LOC112694756: variants seen among roughly 807,000 people sequenced by gnomAD.
chr16:30,065,089 G>A, the LOC112694756 span, among the ~76,000 whole-genome samples: 2 of 152,242 alleles, frequency 1.3e-5, no homozygotes, highest in Non-Finnish European at 2.9e-5. Context: ...CCGGCGGAGA[G>A]CGCGCACGCA....
At chr16:30,060,358 TACTG>T in the LOC112694756 span, among the ~76,000 whole-genome samples, 1 of 152,088 alleles carries the variant, frequency 6.6e-6, no homozygotes. Flanking sequence ...ACCCAGGCCT[TACTG>T]ACTCTAGGGC....
At chr16:30,061,228 C>T in the LOC112694756 span, among the ~76,000 whole-genome samples, 1 of 152,268 alleles carries the variant, frequency 6.6e-6, no homozygotes, top group Non-Finnish European at 1.5e-5. Context: ...ACACGCTGCT[C>T]CTATTCCCCA....
chr16:30,058,867 G>C, the LOC112694756 span: 1 of 396,788 alleles, frequency 2.5e-6, no homozygotes, highest in Non-Finnish European at 4.4e-6. Flanking sequence ...GATTTATGGA[G>C]TTACTGTTGA....
the LOC112694756 span, among the ~76,000 whole-genome samples, chr16:30,057,704 G>C: frequency 1.3e-5 from 2 of 152,276 alleles, no homozygotes; most frequent in Middle Eastern, 3.4e-3. Context: ...TTTGCCAGGG[G>C]CAGTCAGCAG....
the LOC112694756 span, chr16:30,067,345 C>T: frequency 4.0e-5 from 65 of 1,613,832 alleles, no homozygotes; most frequent in Non-Finnish European, 5.3e-5. Flanking sequence ...CAAGGGCATC[C>T]TGGCTGCAGA....
the LOC112694756 span, chr16:30,064,417 C>T: frequency 3.5e-5 from 14 of 398,622 alleles, no homozygotes; most frequent in Non-Finnish European, 5.7e-5. Flanking sequence ...CCCTTTCCTT[C>T]CCACAGGTCC....
the LOC112694756 span, chr16:30,069,975 C>T: frequency 7.8e-5 from 126 of 1,613,702 alleles, 2 homozygotes; most frequent in East Asian, 2.3e-3. Context: ...AGGCCTGGGG[C>T]GGGAAGAAGG....
the LOC112694756 span, chr16:30,067,402 G>A: frequency 1.2e-6 from 2 of 1,614,000 alleles, no homozygotes; most frequent in South Asian, 1.1e-5. Flanking sequence ...GAGGGTGCAG[G>A]GTTGGGAGTG....
At chr16:30,070,019 A>T in the LOC112694756 span, 2 of 1,613,658 alleles carry the variant, frequency 1.2e-6, no homozygotes, top group East Asian at 2.2e-5. Context: ...GAGTATGTCA[A>T]GCGAGCCCTG....
At chr16:30,064,030 A>G in the LOC112694756 span, 1 of 398,708 alleles carries the variant, frequency 2.5e-6, no homozygotes, top group Non-Finnish European at 4.4e-6. Flanking sequence ...GCTGGACGGC[A>G]GCTCCTCTGG....
the LOC112694756 span, among the ~76,000 whole-genome samples, chr16:30,061,132 T>C: frequency 1.3e-5 from 2 of 152,250 alleles, no homozygotes; most frequent in African/African-American, 4.8e-5. Context: ...CTCCAGCCCA[T>C]GCCTAAGGCA....
chr16:30,064,394 C>G, the LOC112694756 span: 9 of 398,602 alleles, frequency 2.3e-5, no homozygotes, highest in African/African-American at 1.6e-4. Context: ...CCACGTGATC[C>G]GAGTCCCCTC....
At chr16:30,070,279 C>A in the LOC112694756 span, 1 of 1,519,228 alleles carries the variant, frequency 6.6e-7, no homozygotes, top group Non-Finnish European at 9.1e-7. Flanking sequence ...GAAGAGGAGG[C>A]CGCCTCCTCG....
At chr16:30,067,135 G>A in the LOC112694756 span, 1 of 1,583,850 alleles carries the variant, frequency 6.3e-7, no homozygotes, top group Non-Finnish European at 8.6e-7. Context: ...AGGGGAGGTA[G>A]GGAACATTTC....
At chr16:30,055,679 T>A in the LOC112694756 span, among the ~76,000 whole-genome samples, 1 of 152,182 alleles carries the variant, frequency 6.6e-6, no homozygotes, top group East Asian at 1.9e-4. Flanking sequence ...GTTCTAGGTA[T>A]AGGGCCTCTT....
At chr16:30,055,451 C>A in the LOC112694756 span, 5 of 397,844 alleles carry the variant, frequency 1.3e-5, no homozygotes, top group Non-Finnish European at 2.2e-5. Context: ...GGTTCCAGGG[C>A]ATGAATCATG....
the LOC112694756 span, chr16:30,069,754 T>C: frequency 1.9e-6 from 3 of 1,612,044 alleles, no homozygotes; most frequent in East Asian, 2.2e-5. Flanking sequence ...CGGATTTCCA[T>C]GGCAACTTCC....
At chr16:30,069,205 C>T in the LOC112694756 span, 2 of 1,439,838 alleles carry the variant, frequency 1.4e-6, no homozygotes, top group Non-Finnish European at 9.7e-7. Flanking sequence ...GCCTGAGTCC[C>T]TGGCATCATC....
the LOC112694756 span, chr16:30,064,676 G>A: frequency 2.6e-6 from 1 of 390,062 alleles, no homozygotes; most frequent in Non-Finnish European, 4.5e-6. Flanking sequence ...CATTAGAGAA[G>A]ATCGGGGACA....
Sources: gnomAD v4.1 joint callset for allele counts (sites outside exome capture counted in the v4.1 genomes callset) on GRCh38, gnomAD v4.1.1 for gene constraint, MANE v1.5 for transcripts.